Variants in MIER2 observed in about 807,000 individuals in gnomAD.
The protein encoded by MIER2 is MIER family member 2, also known as mesoderm induction early response protein 2.
MIER2 carries 30 observed loss-of-function variants against 67.6 expected under a neutral mutation model. That is an observed-to-expected ratio of 0.44 (90% CI 0.33 to 0.60). The LOEUF is 0.60. Ranked by LOEUF, MIER2 falls within the 20% of genes least tolerant of loss-of-function variation. The probability of loss-of-function intolerance (pLI) is 0.02; values close to 1 mark genes in which losing one functional copy is unlikely to be tolerated. For synonymous variants in MIER2, 372 were observed against 312.6 expected, an observed-to-expected ratio of 1.19 and a Z score of -2.00; for missense variants, 702 against 745.1, an observed-to-expected ratio of 0.94 and a Z score of 0.67.
rs140493222 is a variant in MIER2, at chr19:327,887, G to A, written c.346C>T (p.Leu116Phe). The A allele has an allele frequency of 1.9e-6, 3 of 1,612,226 alleles. No individual in the cohort carries two copies. The highest frequency in any genetic ancestry group is 1.1e-5 in the South Asian group (1 of 90,992). ...ESEGGDVAPN[L>F]PDMTLDKEQI... The stretch of plus-strand genomic sequence containing the variant: ...ACTTTGTCCAGGGTCATGTCTGGGA[G>A]GTTCGGGGCCACGTCACCACCCTCA... Residue 116 changes from leucine (L) to phenylalanine (F), a missense_variant, in exon 4 of 14, where the codon CTC (leucine) becomes TTC (phenylalanine). By Grantham distance (22) the Leu-to-Phe change is conservative (BLOSUM62 0). Around this residue, in one of 3 missense-constraint regions of MIER2, gnomAD observed 320 missense variants for 292.6 expected, o/e 1.09. Coordinates refer to ENST00000264819, the MANE Select transcript of MIER2 (RefSeq NM_017550.3).
At chr19:314,708 A>C (rs187834727) in intron 7 of MIER2, among the ~76,000 whole-genome samples, 76 of 152,164 alleles carry the variant, frequency 5.0e-4, no homozygotes, top group African/African-American at 1.8e-3. Flanking sequence ...CTGCTTGGAC[A>C]GAGGTGGTCT....
intron 10 of MIER2, among the ~76,000 whole-genome samples, chr19:309,953 G>C (rs867559195): frequency 4.9e-5 from 5 of 102,706 alleles, no homozygotes; most frequent in African/African-American, 1.0e-4. Flanking sequence ...GACGAGAAGA[G>C]ACACACACAC....
At chr19:311,005 C>T (rs185562862) in intron 10 of MIER2, among the ~76,000 whole-genome samples, 20 of 152,380 alleles carry the variant, frequency 1.3e-4, no homozygotes, top group African/African-American at 3.8e-4. Context: ...CTGCTGCGCA[C>T]GGCACCGCAC....
intron 1 of MIER2, among the ~76,000 whole-genome samples, chr19:339,928 A>C (rs764533269): frequency 2.1e-4 from 32 of 152,202 alleles, no homozygotes; most frequent in African/African-American, 6.3e-4. Context: ...ATACACTAAC[A>C]ACCACTGAAC....
chr19:342,673 G>A (rs947928423), intron 1 of MIER2, among the ~76,000 whole-genome samples: 1 of 150,814 alleles, frequency 6.6e-6, no homozygotes, highest in Non-Finnish European at 1.5e-5. Flanking sequence ...ATTATTCTGG[G>A]ATACTGATAC....
chr19:306,477 G>A lies in MIER2; in HGVS notation c.*213C>T, dbSNP rs111338206. The stretch of plus-strand genomic sequence containing the variant: ...CCGGGTGGCAGTGCCGGGCGCTGAC[G>A]GCGCTGGGTGGGGCCGTGGGTCCAT... On this transcript the variant is annotated 3_prime_UTR_variant, in exon 14 of 14. Transcript: ENST00000264819. 13 of 671,650 alleles carry A rather than the reference G, an allele frequency of 1.9e-5. No individual in the cohort carries two copies. The highest frequency in any genetic ancestry group is 2.2e-5 in the Non-Finnish European group (9 of 401,904). 41.6% of individuals were successfully genotyped at this position (671,650 alleles called of 1,614,324 possible).
chr19:334,677 C>A, intron 2 of MIER2, 135 bp from the exon 3 acceptor site: 1 of 1,158,492 alleles, frequency 8.6e-7, no homozygotes, highest in Non-Finnish European at 1.2e-6. Flanking sequence ...CATGAGGGAA[C>A]CCAACAGGAC....
Position 307,286 on chromosome 19 carries a change from G to A in MIER2, c.1449C>T (p.Ile483=). The A allele has an allele frequency of 6.3e-7, 1 of 1,599,630 alleles. No individual in the cohort carries two copies. The highest frequency in any genetic ancestry group is 8.5e-7 in the Non-Finnish European group (1 of 1,173,750). Residue 483 remains isoleucine, a synonymous_variant, in exon 13 of 14, where the codon ATC becomes ATT. Coordinates refer to ENST00000264819, the MANE Select transcript of MIER2 (RefSeq NM_017550.3). ...CCCCGCTGAGGTCCACATGGCTGGA[G>A]ATGAGGGGCAGCTCCTTGGGCAGGG... ...DFALPKELPL[I]SSHVDLSGDP...
intron 3 of MIER2, among the ~76,000 whole-genome samples, chr19:329,791 A>G (rs1320648830): frequency 6.8e-6 from 1 of 147,702 alleles, no homozygotes; most frequent in African/African-American, 2.5e-5. Context: ...GCTTGAACCT[A>G]GGAGGCAGAG....
intron 7 of MIER2, among the ~76,000 whole-genome samples, chr19:319,361 C>G (rs1971403118): frequency 6.6e-6 from 1 of 152,108 alleles, no homozygotes; most frequent in Non-Finnish European, 1.5e-5. Context: ...GACCCTGTCA[C>G]ACACACACAC....
chr19:323,442 C>T lies in MIER2; in HGVS notation c.655+2193G>A, dbSNP rs187439107. On this transcript the variant is annotated intron_variant, in intron 7 of 13. Transcript: ENST00000264819. ...ATGCAATACACAGGACACACACACA[C>T]AACCATGCAGACGACTCGAATGACA... Among the ~76,000 whole-genome samples, 631 of 152,042 alleles carry T rather than the reference C, an allele frequency of 4.2e-3. 1 individual carries two copies. The highest frequency in any genetic ancestry group is 0.027 in the Middle Eastern group (8 of 292).
Position 327,198 on chromosome 19 carries a change from G to A in MIER2, c.428C>T (p.Ala143Val). 6.3e-7 allele frequency: 1 copy of A among 1,594,244 alleles called. No individual in the cohort carries two copies. Among genetic ancestry groups the A allele is most frequent in the Non-Finnish European group, 8.5e-7 (1 of 1,174,218 alleles). Reference protein sequence around the residue: ...GEEEEETQSSADDLTPSVTSH... With the variant: ...GEEEEETQSSVDDLTPSVTSH... Reference sequence around the variant, plus strand: ...GGTCACGGACGGGGTGAGGTCGTCAGCAGATGATTGCGTCTCTTCCTCTTC... The same window carrying A: ...GGTCACGGACGGGGTGAGGTCGTCAACAGATGATTGCGTCTCTTCCTCTTC... The change falls in exon 5 of 14, where the codon GCT becomes GTT. Residue 143 changes from alanine (A) to valine (V), a missense_variant. This residue lies in a region of MIER2 where 320 missense variants were observed against 292.6 expected (regional missense o/e 1.09). Transcript: ENST00000264819.
intron 1 of MIER2, chr19:344,516 C>T: frequency 2.7e-6 from 1 of 371,064 alleles, no homozygotes; most frequent in Non-Finnish European, 3.7e-6. Flanking sequence ...GGCCCCCGCC[C>T]GCCCCGCGCC....
chr19:333,707 G>T (rs1012385263), intron 3 of MIER2, among the ~76,000 whole-genome samples: 1 of 116,004 alleles, frequency 8.6e-6, no homozygotes, highest in Non-Finnish European at 1.7e-5. Context: ...TTCTTTTTTG[G>T]AGACGGAGTC....
intron 7 of MIER2, among the ~76,000 whole-genome samples, chr19:317,292 CT>C (rs1971279552): frequency 6.6e-6 from 1 of 151,988 alleles, no homozygotes; most frequent in Non-Finnish European, 1.5e-5. Flanking sequence ...CTTTGGGAGG[CT>C]GAGGCGGGCG....
At chr19:316,367 A>C (rs1971235163) in intron 7 of MIER2, among the ~76,000 whole-genome samples, 1 of 151,582 alleles carries the variant, frequency 6.6e-6, no homozygotes, top group Non-Finnish European at 1.5e-5. Flanking sequence ...ATCTTGGCTC[A>C]CTGCAACCTC....
At chr19:322,976 G>C (rs1162646092) in intron 7 of MIER2, among the ~76,000 whole-genome samples, 4 of 148,298 alleles carry the variant, frequency 2.7e-5, no homozygotes, top group African/African-American at 7.5e-5. Flanking sequence ...ACACACAAGA[G>C]ACTCAAAAAC....
intron 6 of MIER2, 57 bp from the exon 7 acceptor site, chr19:325,761 G>C (rs1028097624): frequency 1.1e-5 from 18 of 1,598,864 alleles, no homozygotes; most frequent in Non-Finnish European, 1.5e-5. Context: ...CCGGGCGGGA[G>C]GCTGGCTGCA....
chr19:334,689 C>A, intron 2 of MIER2, 147 bp from the exon 3 acceptor site: 1 of 1,048,314 alleles, frequency 9.5e-7, no homozygotes, highest in South Asian at 1.7e-5. Flanking sequence ...CAACAGGACA[C>A]CCCACGACTA....
Sources: gnomAD v4.1 joint callset for allele counts (sites outside exome capture counted in the v4.1 genomes callset) on GRCh38, gnomAD v4.1.1 for gene constraint, gnomAD v4.1.1 regional missense constraint, MANE v1.5 for transcripts, NCBI Gene and HGNC (gene_info 2026-07-23, HGNC 2026-07-21) for gene names.